PRKN: variants seen among roughly 807,000 people sequenced by gnomAD.
PRKN encodes the protein E3 ubiquitin-protein ligase parkin.
In PRKN, 56 loss-of-function variants were observed where a neutral mutation model predicts 59.5. That is an observed-to-expected ratio of 0.94 (90% CI 0.76 to 1.18). The LOEUF is 1.18. Ranked by LOEUF, PRKN falls within the 50% of genes most tolerant of loss-of-function variation. The pLI is 0.00. For missense variants in PRKN, 657 were observed against 596.4 expected (o/e 1.10, Z -1.06); for synonymous variants, 250 against 222.1 (o/e 1.13, Z -1.12).
chr6:162,039,284 C>T (rs543154757), intron 5 of PRKN, among the ~76,000 whole-genome samples: 8 of 152,284 alleles, frequency 5.3e-5, no homozygotes, highest in South Asian at 2.1e-4. Context: ...AACTCTACTT[C>T]GGATGCTTTG....
rs1225914525 is a variant in PRKN, at chr6:161,681,750, G to T, written c.871+104022C>A. On this transcript the variant is annotated intron_variant, in intron 7 of 11. Transcript: ENST00000366898. ...TGGCCGATGACACAGCTGTGGTCAG[G>T]ACCTGCCGCTGCCCTTTGGAGCTCA... 2.6e-5 allele frequency among the ~76,000 whole-genome samples: 4 copies of T among 152,182 alleles called. 1 individual carries two copies. Among genetic ancestry groups the T allele is most frequent in the Non-Finnish European group, 4.4e-5 (3 of 68,034 alleles).
intron 7 of PRKN, among the ~76,000 whole-genome samples, chr6:161,734,221 C>A (rs568941678): frequency 6.6e-6 from 1 of 152,224 alleles, no homozygotes; most frequent in South Asian, 2.1e-4. Flanking sequence ...CTGCAGCTTA[C>A]ATTGCTAACA....
intron 7 of PRKN, among the ~76,000 whole-genome samples, chr6:161,573,541 A>G (rs556865446): frequency 1.3e-4 from 20 of 150,560 alleles, no homozygotes; most frequent in African/African-American, 4.6e-4. Flanking sequence ...TAATACAGTG[A>G]AACCCCGTCT....
intron 6 of PRKN, among the ~76,000 whole-genome samples, chr6:161,815,024 A>G (rs565834237): frequency 1.3e-5 from 2 of 152,094 alleles, no homozygotes; most frequent in East Asian, 3.9e-4. Flanking sequence ...TACTTTTATG[A>G]CAATGAGAAA....
At chr6:161,617,957 C>G (rs758876371) in intron 7 of PRKN, among the ~76,000 whole-genome samples, 1 of 152,178 alleles carries the variant, frequency 6.6e-6, no homozygotes, top group Non-Finnish European at 1.5e-5. Context: ...AAGTAAAATC[C>G]TTAAGGCTCA....
chr6:162,022,597 A>G (rs1203195330), intron 5 of PRKN, among the ~76,000 whole-genome samples: 1 of 152,148 alleles, frequency 6.6e-6, no homozygotes, highest in East Asian at 1.9e-4. Context: ...CATACTTTGC[A>G]AATATTTTCT....
At chr6:162,694,615 T>G (rs926959690) in intron 1 of PRKN, 1 of 152,194 alleles carries the variant, frequency 6.6e-6, no homozygotes, top group Non-Finnish European at 1.5e-5. Flanking sequence ...TGACAACAAT[T>G]AACATACTTG....
chr6:162,610,948 TATA>T (rs1484525492), intron 1 of PRKN, among the ~76,000 whole-genome samples: 2 of 152,146 alleles, frequency 1.3e-5, no homozygotes, highest in Non-Finnish European at 2.9e-5. Context: ...CCTACATAAG[TATA>T]ATGAGTAGAA....
intron 6 of PRKN, among the ~76,000 whole-genome samples, chr6:161,898,286 A>C (rs1159823053): frequency 6.6e-6 from 1 of 152,088 alleles, no homozygotes; most frequent in Admixed American, 6.6e-5. Context: ...TTTTACTTAA[A>C]GTTTCATGAG....
At chr6:162,583,388 G>T (rs555096340) in intron 1 of PRKN, among the ~76,000 whole-genome samples, 63 of 152,186 alleles carry the variant, frequency 4.1e-4, no homozygotes, top group African/African-American at 1.5e-3. Context: ...AACACTGCGA[G>T]AAATTCTTTG....
intron 7 of PRKN, among the ~76,000 whole-genome samples, chr6:161,682,902 T>A (rs1397277090): frequency 6.6e-6 from 1 of 152,138 alleles, no homozygotes; most frequent in Non-Finnish European, 1.5e-5. Flanking sequence ...GTTACCTCGG[T>A]GGCCCAATGG....
chr6:161,672,633 G>C (rs1433165589), intron 7 of PRKN, among the ~76,000 whole-genome samples: 1 of 152,130 alleles, frequency 6.6e-6, no homozygotes, highest in Non-Finnish European at 1.5e-5. Context: ...AAAATTAGCT[G>C]GGTGTGGTGG....
chr6:161,703,133 T>C (rs989560830), intron 7 of PRKN, among the ~76,000 whole-genome samples: 6 of 151,732 alleles, frequency 4.0e-5, no homozygotes, highest in Non-Finnish European at 5.9e-5. Flanking sequence ...GTGAGACCTA[T>C]TGCTACAAAA....
At chr6:161,645,161 C>T (rs1437479624) in intron 7 of PRKN, among the ~76,000 whole-genome samples, 5 of 151,266 alleles carry the variant, frequency 3.3e-5, no homozygotes, top group Admixed American at 2.0e-4. Context: ...CTACTTCCTA[C>T]TATAATTGTG....
intron 1 of PRKN, among the ~76,000 whole-genome samples, chr6:162,455,622 A>G (rs570127300): frequency 6.6e-6 from 1 of 152,274 alleles, no homozygotes; most frequent in South Asian, 2.1e-4. Context: ...TGACAGATAT[A>G]AGATGGCTAT....
chr6:161,849,940 C>T (rs558311383), intron 6 of PRKN, among the ~76,000 whole-genome samples: 4 of 152,240 alleles, frequency 2.6e-5, no homozygotes, highest in East Asian at 1.9e-4. Flanking sequence ...ATCATATGTG[C>T]GTCAGCTATT....
At chr6:161,432,566 G>T (rs1788700093) in intron 9 of PRKN, among the ~76,000 whole-genome samples, 1 of 136,726 alleles carries the variant, frequency 7.3e-6, no homozygotes, top group African/African-American at 2.8e-5. Context: ...ATTTTTAGTA[G>T]AGATGGGGTT....
chr6:161,755,406 G>A (rs529671198), intron 7 of PRKN, among the ~76,000 whole-genome samples: 1 of 152,118 alleles, frequency 6.6e-6, no homozygotes, highest in South Asian at 2.1e-4. Context: ...AAATTGTCAT[G>A]TTGGAAAGTA....
rs765646283 is a variant in PRKN, at chr6:162,111,006, G to A, written c.535-56832C>T. Among the ~76,000 whole-genome samples the A allele has an allele frequency of 3.9e-5, 6 of 152,212 alleles. No homozygotes were observed. The East Asian group carries it at 1.2e-3, about 29-fold the overall frequency. ...AAGTTGTGGCTGACATGACCAGACC[G>A]CCAAATGCAACGTGTGGGCTTCACC... On this transcript the variant is annotated intron_variant, in intron 4 of 11. Transcript: ENST00000366898.
Sources: gnomAD v4.1 joint callset for allele counts (sites outside exome capture counted in the v4.1 genomes callset) on GRCh38, gnomAD v4.1.1 for gene constraint, MANE v1.5 for transcripts, NCBI Gene and HGNC (gene_info 2026-07-23, HGNC 2026-07-21) for gene names.